Variants in PRPSAP2 observed in about 807,000 individuals in gnomAD.
PRPSAP2 encodes the protein phosphoribosyl pyrophosphate synthetase associated protein 2.
A neutral mutation model predicts 40.6 loss-of-function variants in PRPSAP2; 24 were observed. That is an observed-to-expected ratio of 0.59 (90% CI 0.43 to 0.83). The LOEUF (loss-of-function observed/expected upper bound fraction) is 0.83, where lower values mean the gene tolerates loss of function less well. PRPSAP2 is among the 40% of genes least tolerant of loss of function. The probability of loss-of-function intolerance (pLI) is 0.00; values close to 1 mark genes in which losing one functional copy is unlikely to be tolerated. For synonymous variants in PRPSAP2, 149 were observed against 164.7 expected, an observed-to-expected ratio of 0.90 and a Z score of 0.73; for missense variants, 292 against 465.6, an observed-to-expected ratio of 0.63 and a Z score of 3.43.
intron 9 of PRPSAP2, 22 bp from the exon 10 acceptor site, chr17:18,923,892 G>T (rs2041830484): frequency 6.3e-7 from 1 of 1,581,160 alleles, no homozygotes. Flanking sequence ...AAATTTTGGT[G>T]TGTGTGTTTT....
chr17:18,861,777 T>C (rs2151874011), intron 1 of PRPSAP2, among the ~76,000 whole-genome samples: 1 of 152,302 alleles, frequency 6.6e-6, no homozygotes, highest in Middle Eastern at 3.4e-3. Context: ...TGAAATAGTT[T>C]GGAGGCCATC....
intron 9 of PRPSAP2, among the ~76,000 whole-genome samples, chr17:18,917,262 A>G (rs1484573283): frequency 6.6e-6 from 1 of 152,034 alleles, no homozygotes; most frequent in African/African-American, 2.4e-5. Context: ...TCACATACAT[A>G]CAGATGTGTG....
At chr17:18,908,680 G>A (rs1034310404) in intron 8 of PRPSAP2, 2 of 722,926 alleles carry the variant, frequency 2.8e-6, no homozygotes, top group African/African-American at 1.7e-5. Context: ...AGAGCTGCTG[G>A]CCATCCACTT....
intron 8 of PRPSAP2, among the ~76,000 whole-genome samples, chr17:18,906,406 G>A (rs2040586528): frequency 6.6e-6 from 1 of 152,146 alleles, no homozygotes; most frequent in Admixed American, 6.5e-5. Context: ...AGTAGAGACA[G>A]GGTTTCACCA....
intron 1 of PRPSAP2, among the ~76,000 whole-genome samples, chr17:18,860,004 A>G (rs555152026): frequency 2.6e-5 from 4 of 152,188 alleles, no homozygotes; most frequent in South Asian, 2.1e-4. Flanking sequence ...TTGGCCTCCC[A>G]AAGTGCTGGG....
chr17:18,869,170 G>A (rs1238898849), intron 4 of PRPSAP2, among the ~76,000 whole-genome samples: 1 of 152,042 alleles, frequency 6.6e-6, no homozygotes, highest in African/African-American at 2.4e-5. Flanking sequence ...TAAAGGGAGA[G>A]AAAATACTTG....
At chr17:18,883,040 T>C (rs1041268797) in intron 7 of PRPSAP2, among the ~76,000 whole-genome samples, 8 of 152,144 alleles carry the variant, frequency 5.3e-5, no homozygotes, top group African/African-American at 1.7e-4. Context: ...CCAGCATCCA[T>C]GATCCCACCT....
chr17:18,857,405 AGTTTT>A (rs548463496), upstream of PRPSAP2, among the ~76,000 whole-genome samples: 42 of 151,878 alleles, frequency 2.8e-4, no homozygotes, highest in Non-Finnish European at 4.7e-4. Flanking sequence ...CTTTTAGCAC[AGTTTT>A]GTTTTGTTTT....
chr17:18,916,846 T>A (rs2041348471), intron 9 of PRPSAP2, among the ~76,000 whole-genome samples: 1 of 152,200 alleles, frequency 6.6e-6, no homozygotes, highest in Admixed American at 6.5e-5. Flanking sequence ...GCAAGGCAGC[T>A]CTCTGTAAGG....
intron 6 of PRPSAP2, among the ~76,000 whole-genome samples, chr17:18,882,217 T>A (rs1361281604): frequency 2.0e-5 from 3 of 152,040 alleles, no homozygotes; most frequent in Admixed American, 2.0e-4. Flanking sequence ...AACTTGTTTT[T>A]AAACTGTTTA....
chr17:18,883,742 T>G (rs527490624), intron 7 of PRPSAP2, among the ~76,000 whole-genome samples: 1 of 152,260 alleles, frequency 6.6e-6, no homozygotes, highest in Non-Finnish European at 1.5e-5. Context: ...CTAGATAACT[T>G]CTTTTTACAG....
At chr17:18,879,869 G>GT (rs11397513) in intron 6 of PRPSAP2, among the ~76,000 whole-genome samples, 152,151 of 152,154 alleles carry the variant, frequency 1, 76,074 homozygotes, top group Non-Finnish European at 1. Flanking sequence ...GGAGAACCAG[G>GT]GGGCGATCAC....
intron 9 of PRPSAP2, among the ~76,000 whole-genome samples, chr17:18,912,760 T>A (rs567743915): frequency 6.6e-6 from 1 of 152,172 alleles, no homozygotes; most frequent in Admixed American, 6.5e-5. Flanking sequence ...TGAGGCCCAG[T>A]GTGGTGGTTC....
intron 7 of PRPSAP2, among the ~76,000 whole-genome samples, chr17:18,887,032 G>A (rs1453271665): frequency 4.8e-5 from 7 of 145,438 alleles, no homozygotes; most frequent in Admixed American, 3.6e-4. Context: ...CGCCTCCCAG[G>A]TTCAAGCGAT....
intron 8 of PRPSAP2, among the ~76,000 whole-genome samples, chr17:18,901,871 T>G (rs2040290324): frequency 6.6e-6 from 1 of 152,100 alleles, no homozygotes; most frequent in Admixed American, 6.6e-5. Context: ...AGCCTCCATC[T>G]CCTGGGCTCA....
chr17:18,930,304 G>A (rs1342622596), intron 11 of PRPSAP2, among the ~76,000 whole-genome samples: 1 of 152,174 alleles, frequency 6.6e-6, no homozygotes, highest in Admixed American at 6.5e-5. Context: ...AACCCAGGAG[G>A]CAGAGCTTGC....
chr17:18,893,310 G>A (rs748075259), intron 8 of PRPSAP2, among the ~76,000 whole-genome samples: 11 of 151,838 alleles, frequency 7.2e-5, no homozygotes, highest in Non-Finnish European at 1.3e-4. Context: ...CACCACACCC[G>A]GCTAATTTTT....
intron 11 of PRPSAP2, 83 bp from the exon 12 acceptor site, chr17:18,930,457 T>C (rs1028158169): frequency 7.2e-7 from 1 of 1,389,022 alleles, no homozygotes; most frequent in Non-Finnish European, 9.9e-7. Context: ...AGCCTCAGAT[T>C]TGAGAAGCTG....
chr17:18,894,479 C>CT (rs1201159228), intron 8 of PRPSAP2, among the ~76,000 whole-genome samples: 4,238 of 120,546 alleles, frequency 0.035, 234 homozygotes, highest in East Asian at 0.13. Context: ...TTTCAATAGT[C>CT]TTTTTTTTTT....
Sources: allele counts gnomAD v4.1 joint callset (sites outside exome capture counted in the v4.1 genomes callset), GRCh38; gene constraint gnomAD v4.1.1; transcripts MANE v1.5; gene names NCBI Gene and HGNC (gene_info 2026-07-23, HGNC 2026-07-21).